The following GAS6 variants were observed in gnomAD, a reference collection of about 807,000 sequenced individuals.
The protein encoded by GAS6 is growth arrest specific 6.
A neutral mutation model predicts 75.8 loss-of-function variants in GAS6; 41 were observed. The observed-to-expected ratio is 0.54, with a 90% CI of 0.42 to 0.70. GAS6 has a LOEUF of 0.70. Ranked by LOEUF, GAS6 falls within the 30% of genes least tolerant of loss-of-function variation. The probability of loss-of-function intolerance (pLI) is 0.00; values close to 1 mark genes in which losing one functional copy is unlikely to be tolerated. For missense variants in GAS6, 854 were observed against 940.2 expected, an observed-to-expected ratio of 0.91 and a Z score of 1.20; for synonymous variants, 432 against 412.6, an observed-to-expected ratio of 1.05 and a Z score of -0.57.
chr13:113,822,414 T>TG, intron 13 of GAS6: 1 of 452,954 alleles, frequency 2.2e-6, no homozygotes, highest in South Asian at 4.7e-5. Context: ...TGGGAGGCTG[T>TG]GGGGGAACAA....
chr13:113,861,344 G>A (rs2051969826), intron 2 of GAS6, among the ~76,000 whole-genome samples: 2 of 152,136 alleles, frequency 1.3e-5, no homozygotes, highest in African/African-American at 4.8e-5. Flanking sequence ...ACCCGTGGAG[G>A]ACCACACATC....
chr13:113,820,990 G>C lies in GAS6; in HGVS notation c.1911C>G (p.Thr637=). The C allele has an allele frequency of 6.2e-7, 1 of 1,612,636 alleles. No homozygotes were observed. The highest frequency in any genetic ancestry group is 1.3e-5 in the African/African-American group (1 of 75,036). Residue 637 remains threonine (T), a synonymous_variant, in exon 15 of 15, where the codon ACC becomes ACG. Transcript: ENST00000327773. ...GTGTCATGCAGCCGCGGTAGAACGC[G>C]GTGACTGGCGCTGAAGTCACCGGCA... is the stretch of plus-strand genomic sequence containing the variant. ...PDVPVTSAPV[T]AFYRGCMTLE...
In GAS6 at chr13:113,863,755, G is replaced by C; in HGVS notation, c.89-14C>G. The C allele has an allele frequency of 6.7e-7, 1 of 1,481,748 alleles. No individual in the cohort carries two copies. 91.8% of individuals were successfully genotyped at this position (1,481,748 alleles called of 1,614,324 possible). On this transcript the variant is annotated splice_polypyrimidine_tract_variant and intron_variant, in intron 1 of 14. Transcript: ENST00000327773. The surrounding 1 kb of genome is among the most constrained non-coding windows in gnomAD (Gnocchi z 9.4). ...GCAACAGCGCGGCTGCCCGGAGGGA[G>C]AGAGGGGGACGCGTCAAGCCGCGCC...
intron 6 of GAS6, 47 bp from the exon 7 acceptor site, chr13:113,835,682 G>A: frequency 6.2e-7 from 1 of 1,600,922 alleles, no homozygotes; most frequent in Non-Finnish European, 8.5e-7. Flanking sequence ...CGGCATCTCA[G>A]ACGGGGCTGG....
chr13:113,846,314 A>G (rs532159363), intron 4 of GAS6, among the ~76,000 whole-genome samples: 41 of 152,336 alleles, frequency 2.7e-4, no homozygotes, highest in Non-Finnish European at 2.1e-4. Flanking sequence ...AAACATTTAC[A>G]TTTTGTTCCA....
chr13:113,822,895 T>C (rs976169703), intron 13 of GAS6: 2 of 155,284 alleles, frequency 1.3e-5, no homozygotes, highest in African/African-American at 4.8e-5. Context: ...AGCTGACTTA[T>C]TGTGAGGACC....
At chr13:113,839,601 C>T (rs2051754017) in intron 5 of GAS6, 127 bp downstream of exon 5, 2 of 1,253,430 alleles carry the variant, frequency 1.6e-6, no homozygotes, top group Non-Finnish European at 2.2e-6. Context: ...CTCAGGGCTG[C>T]AGCCTCCTTG....
At chr13:113,834,981 G>A (rs1260534571) in intron 7 of GAS6, among the ~76,000 whole-genome samples, 1 of 152,254 alleles carries the variant, frequency 6.6e-6, no homozygotes, top group Non-Finnish European at 1.5e-5. Context: ...GAAGCACAGG[G>A]TCTGGGCTGT....
chr13:113,821,791 A>G lies in GAS6; in HGVS notation c.1882+167T>C, dbSNP rs536098776. The G allele has an allele frequency of 8.0e-4, 479 of 598,770 alleles. 7 individuals are homozygous for G. In the South Asian group the frequency reaches 9.6e-3, roughly 12 times the overall value. The allele number at this position is 598,770 out of a possible 1,614,324, so 37.1% of individuals were successfully genotyped here. On this transcript the variant is annotated intron_variant, in intron 14 of 14. Transcript: ENST00000327773. ...ATGACCTGACCAGCACCGAGACACCATAATAGCCACTAACGACCCACCTGG... is the reference window on the plus strand; with the variant it reads ...ATGACCTGACCAGCACCGAGACACCGTAATAGCCACTAACGACCCACCTGG...
chr13:113,826,487 CGGCCTCCCGGCGCCGGCCTCG>C (rs2051544526), intron 12 of GAS6, among the ~76,000 whole-genome samples: 1 of 127,156 alleles, frequency 7.9e-6, no homozygotes, highest in African/African-American at 2.9e-5. Context: ...CTTCTCTCCC[CGGCCTCCCGGCGCCGGCCTCG>C]CAGGCACCTT....
At chr13:113,833,928 C>A (rs1013291702) in intron 8 of GAS6, among the ~76,000 whole-genome samples, 1 of 147,902 alleles carries the variant, frequency 6.8e-6, no homozygotes, top group African/African-American at 2.5e-5. Flanking sequence ...GTGACAGGCA[C>A]CAGTGTGACA....
At chr13:113,859,813 TC>T (rs2051956576) in intron 2 of GAS6, among the ~76,000 whole-genome samples, 1 of 152,098 alleles carries the variant, frequency 6.6e-6, no homozygotes, top group Non-Finnish European at 1.5e-5. Flanking sequence ...AGGGGAGGTC[TC>T]AGCCTGGCCA....
intron 8 of GAS6, chr13:113,833,280 C>T (rs746296963): frequency 4.0e-5 from 41 of 1,035,532 alleles, no homozygotes; most frequent in African/African-American, 2.9e-4. Flanking sequence ...CTGGACATCT[C>T]GCAGGGGTCC....
Position 113,823,470 on chromosome 13 carries a change from C to T in GAS6, c.1558G>A (p.Gly520Ser), listed in dbSNP as rs1182918709. The T allele has an allele frequency of 1.2e-6, 2 of 1,612,836 alleles. No homozygotes were observed. Among genetic ancestry groups the T allele is most frequent in the Admixed American group, 3.3e-5 (2 of 60,016 alleles). The change falls in exon 13 of 15, where the codon GGC becomes AGC. Residue 520 changes from glycine to serine, a missense_variant. Coordinates refer to ENST00000327773, the MANE Select transcript of GAS6 (RefSeq NM_000820.4). Reference protein sequence around the residue: ...VAHIRPAADTGVLFALWAPDL... With the variant: ...VAHIRPAADTSVLFALWAPDL... ...GGGGCCCAGAGCGCAAACAGCACGC[C>T]TGTGTCTGCGGCTGGGCGGATGTGA...
Position 113,833,693 on chromosome 13 carries a change from A to G in GAS6, c.834+858T>C, listed in dbSNP as rs532004457. On this transcript the variant is annotated intron_variant, in intron 8 of 14. Transcript: ENST00000327773. ...GTGTGACAGACACCGGTGACAAGTC[A>G]GTGTGACAGGCAGTGGTGTGACAGG... 1,866 of 989,974 alleles carry G rather than the reference A, an allele frequency of 1.9e-3. 3 individuals are homozygous for G. The highest frequency in any genetic ancestry group is 2.6e-3 in the Middle Eastern group (5 of 1,904). 61.3% of individuals were successfully genotyped at this position (989,974 alleles called of 1,614,324 possible). A position where few individuals can be genotyped will look rare whatever the true frequency, so the allele number is the denominator to read the frequency against.
intron 2 of GAS6, among the ~76,000 whole-genome samples, chr13:113,860,621 C>T (rs2051963575): frequency 6.6e-6 from 1 of 152,128 alleles, no homozygotes; most frequent in African/African-American, 2.4e-5. Flanking sequence ...GGGCAAGGAA[C>T]CCAGCAGGGA....
intron 2 of GAS6, among the ~76,000 whole-genome samples, chr13:113,857,803 G>T (rs757358515): frequency 6.6e-6 from 1 of 152,246 alleles, no homozygotes; most frequent in East Asian, 1.9e-4. Flanking sequence ...TCTCCGGCTC[G>T]GGTGAGGGTG....
chr13:113,822,142 C>G lies in GAS6; in HGVS notation c.1698G>C (p.Glu566Asp). ...GCTCTTGGCCGTCGCAGACCTTGAT[C>G]TCCATTAGGGCCAAGGCCGTATGCT... ...AVEHTALALMEIKVCDGQEHV... is the reference protein window; with the variant it reads ...AVEHTALALMDIKVCDGQEHV... Residue 566 changes from glutamate to aspartate, a missense_variant, in exon 14 of 15, where the codon GAG becomes GAC. Physicochemically the swap from Glu to Asp is conservative, Grantham distance 45 (BLOSUM62 2). Coordinates refer to ENST00000327773, the MANE Select transcript of GAS6 (RefSeq NM_000820.4). The G allele has an allele frequency of 2.3e-5, 37 of 1,598,824 alleles. No individual in the cohort carries two copies. The highest frequency in any genetic ancestry group is 2.9e-5 in the Non-Finnish European group (34 of 1,174,312).
At chr13:113,826,471 A>C (rs1448697891) in intron 12 of GAS6, among the ~76,000 whole-genome samples, 3 of 89,646 alleles carry the variant, frequency 3.3e-5, no homozygotes, top group Non-Finnish European at 6.7e-5. Context: ...CCGGCCTCGC[A>C]GGCACCTTCT....
Sources: allele counts gnomAD v4.1 joint callset (sites outside exome capture counted in the v4.1 genomes callset), GRCh38; gene constraint gnomAD v4.1.1; non-coding constraint Gnocchi (gnomAD v3.1); transcripts MANE v1.5; gene names NCBI Gene and HGNC (gene_info 2026-07-23, HGNC 2026-07-21).